TERB1: variants seen among roughly 807,000 people sequenced by gnomAD.
TERB1 encodes the protein telomere repeats-binding bouquet formation protein 1.
A neutral mutation model predicts 92.3 loss-of-function variants in TERB1; 63 were observed. The ratio of observed to expected loss-of-function variants is 0.68; its 90% CI spans 0.56 to 0.84. The LOEUF is 0.84. TERB1 is among the 40% of genes least tolerant of loss of function. The pLI is 0.00. For synonymous variants in TERB1, 252 were observed against 283.9 expected, an observed-to-expected ratio of 0.89 and a Z score of 1.13; for missense variants, 709 against 843.7, an observed-to-expected ratio of 0.84 and a Z score of 1.98.
intron 9 of TERB1, among the ~76,000 whole-genome samples, chr16:66,779,962 T>C (rs986062421): frequency 1.3e-5 from 2 of 152,126 alleles, no homozygotes; most frequent in African/African-American, 4.8e-5. Flanking sequence ...TAGTGGAAAA[T>C]AATTCTGGGC....
At chr16:66,796,674 T>A (rs2145261512) in intron 3 of TERB1, 94 bp downstream of exon 3, 1 of 916,002 alleles carries the variant, frequency 1.1e-6, no homozygotes, top group East Asian at 2.7e-5. Context: ...AATGGCTGAA[T>A]GATTCTTTCA....
chr16:66,774,186 GTT>G (rs34258271), intron 12 of TERB1, among the ~76,000 whole-genome samples: 5 of 90,658 alleles, frequency 5.5e-5, no homozygotes, highest in Non-Finnish European at 6.4e-5. Flanking sequence ...CAGCCCAAAC[GTT>G]TTTTTTTTTT....
At chr16:66,769,811 C>CGGGAA in intron 14 of TERB1, 152 bp downstream of exon 14, 10 of 647,082 alleles carry the variant, frequency 1.5e-5, no homozygotes, top group African/African-American at 5.5e-5. Flanking sequence ...TGTCCAAACT[C>CGGGAA]CTTTCCCAAC....
At chr16:66,799,838 C>T (rs565717907) in intron 2 of TERB1, among the ~76,000 whole-genome samples, 40 of 152,198 alleles carry the variant, frequency 2.6e-4, no homozygotes, top group South Asian at 6.2e-4. Context: ...TTATGAAGTG[C>T]TTTTAGTAAT....
chr16:66,793,260 C>T (rs1373328292), intron 3 of TERB1, among the ~76,000 whole-genome samples: 24 of 143,598 alleles, frequency 1.7e-4, no homozygotes, highest in Non-Finnish European at 7.5e-5. Context: ...CTTTCTCACC[C>T]AGGCAGGAGC....
At chr16:66,794,914 A>ACACAC (rs1316374992) in intron 3 of TERB1, among the ~76,000 whole-genome samples, 6,321 of 82,720 alleles carry the variant, frequency 0.076, 373 homozygotes, top group African/African-American at 0.15. Flanking sequence ...CGTCTCAAAA[A>ACACAC]AAAAAAAAAC....
At chr16:66,778,154 G>A (rs192996878) in intron 10 of TERB1, among the ~76,000 whole-genome samples, 2 of 152,336 alleles carry the variant, frequency 1.3e-5, no homozygotes, top group Admixed American at 6.5e-5. Context: ...GTAATGCTGT[G>A]TTGGGTAAAT....
Position 66,788,154 on chromosome 16 carries a change from A to G in TERB1, c.400+15T>C. Reference sequence around the variant, plus strand: ...ATTAAAGTGTTTTCAAATAGTCATAAGAGAATGTACTTACTATTATTTGAA... The same window carrying G: ...ATTAAAGTGTTTTCAAATAGTCATAGGAGAATGTACTTACTATTATTTGAA... On this transcript the variant is annotated intron_variant, in intron 6 of 18. Coordinates refer to ENST00000433154, the MANE Select transcript of TERB1 (RefSeq NM_001136505.2). 3 of 1,416,560 alleles carry G rather than the reference A, an allele frequency of 2.1e-6. No individual in the cohort carries two copies. In the African/African-American group the frequency reaches 4.5e-5, roughly 21 times the overall value. 87.7% of individuals were successfully genotyped at this position (1,416,560 alleles called of 1,614,324 possible).
intron 9 of TERB1, among the ~76,000 whole-genome samples, chr16:66,780,262 C>A (rs2018614173): frequency 6.6e-6 from 1 of 151,972 alleles, no homozygotes; most frequent in African/African-American, 2.4e-5. Flanking sequence ...TTTTAAAAAT[C>A]TTCAAAAAAG....
Position 66,754,967 on chromosome 16 carries a change from T to G in TERB1, c.*9A>C, listed in dbSNP as rs1597003870. The G allele has an allele frequency of 1.3e-6, 2 of 1,543,430 alleles. No homozygotes were observed. Among genetic ancestry groups the G allele is most frequent in the East Asian group, 4.9e-5 (2 of 40,864 alleles). On this transcript the variant is annotated 3_prime_UTR_variant, in exon 19 of 19. Transcript: ENST00000433154. ...GAATCCAAACTAAAAACTGACAGTC[T>G]TCTTTCAATCAAGAAGCTGCACACG...
In TERB1 at chr16:66,794,152, T is replaced by G. The variant is rs983996735; in HGVS notation, c.31+2616A>C. 2.0e-5 allele frequency among the ~76,000 whole-genome samples: 3 copies of G among 152,106 alleles called. No individual in the cohort carries two copies. In the East Asian group the frequency reaches 5.8e-4, roughly 30 times the overall value. Reference sequence around the variant, plus strand: ...TCTCACTATATTGCCCAGGCTGGAGTGCAGTGGTGCAATCACAGGGCACTG... The same window carrying G: ...TCTCACTATATTGCCCAGGCTGGAGGGCAGTGGTGCAATCACAGGGCACTG... On this transcript the variant is annotated intron_variant, in intron 3 of 18. Coordinates refer to ENST00000433154, the MANE Select transcript of TERB1 (RefSeq NM_001136505.2).
At chr16:66,777,543 A>G (rs1248129286) in intron 10 of TERB1, among the ~76,000 whole-genome samples, 4 of 152,196 alleles carry the variant, frequency 2.6e-5, no homozygotes, top group Non-Finnish European at 5.9e-5. Flanking sequence ...GCCTATTACT[A>G]TAACCCTCAT....
chr16:66,769,839 C>T, intron 14 of TERB1, 124 bp downstream of exon 14: 1 of 741,146 alleles, frequency 1.3e-6, no homozygotes, highest in Non-Finnish European at 2.2e-6. Flanking sequence ...ACTTTAGGCT[C>T]TTCCCAAGAC....
intron 13 of TERB1, among the ~76,000 whole-genome samples, chr16:66,770,591 T>C (rs1312040491): frequency 6.6e-6 from 1 of 152,122 alleles, no homozygotes; most frequent in Non-Finnish European, 1.5e-5. Flanking sequence ...AACAAAGTCA[T>C]ATATGTTCTA....
At chr16:66,763,315 T>A (rs1182602635) in intron 16 of TERB1, among the ~76,000 whole-genome samples, 1 of 152,172 alleles carries the variant, frequency 6.6e-6, no homozygotes, top group Non-Finnish European at 1.5e-5. Context: ...AATCTACCAG[T>A]TCCCCTCTCT....
At chr16:66,774,027 G>A (rs1159238178) in intron 12 of TERB1, among the ~76,000 whole-genome samples, 1 of 141,272 alleles carries the variant, frequency 7.1e-6, no homozygotes, top group African/African-American at 2.6e-5. Context: ...CTACAGGCGT[G>A]CGCCACCAGG....
In TERB1 at chr16:66,754,897, T is replaced by A; in HGVS notation, c.*79A>T. On this transcript the variant is annotated 3_prime_UTR_variant, in exon 19 of 19. Coordinates refer to ENST00000433154, the MANE Select transcript of TERB1 (RefSeq NM_001136505.2). ...TTTCCACATTCCTTCTCATGAGAGTTTAGAAAAATACTTTAAATGTATCTT... is the reference window on the plus strand; with the variant it reads ...TTTCCACATTCCTTCTCATGAGAGTATAGAAAAATACTTTAAATGTATCTT... 7.7e-7 allele frequency: 1 copy of A among 1,298,898 alleles called. No homozygotes were observed. The highest frequency in any genetic ancestry group is 1.4e-5 in the South Asian group (1 of 71,430). The allele number at this position is 1,298,898 out of a possible 1,614,324, so 80.5% of individuals were successfully genotyped here.
intron 5 of TERB1, among the ~76,000 whole-genome samples, chr16:66,789,680 C>G (rs1254457606): frequency 7.3e-6 from 1 of 136,108 alleles, no homozygotes; most frequent in Non-Finnish European, 1.6e-5. Context: ...ATGCCTTGCA[C>G]AAAGATTGGT....
upstream of TERB1, among the ~76,000 whole-genome samples, chr16:66,802,022 CAGG>C (rs1228658366): frequency 6.6e-6 from 1 of 152,198 alleles, no homozygotes; most frequent in African/African-American, 2.4e-5. Flanking sequence ...GAGTTCAGTC[CAGG>C]AGGACTTCTC....
Sources: gnomAD v4.1 joint callset for allele counts (sites outside exome capture counted in the v4.1 genomes callset) on GRCh38, gnomAD v4.1.1 for gene constraint, MANE v1.5 for transcripts, NCBI Gene and HGNC (gene_info 2026-07-23, HGNC 2026-07-21) for gene names.